Variants in RBM20 observed in about 807,000 individuals in gnomAD.
The protein encoded by RBM20 is RNA-binding protein 20.
RBM20 carries 51 observed loss-of-function variants against 110.1 expected under a neutral mutation model. The ratio of observed to expected loss-of-function variants is 0.46; its 90% CI spans 0.37 to 0.59. RBM20 has a LOEUF of 0.59. RBM20 is among the 20% of genes least tolerant of loss of function. RBM20 has a pLI of 0.00. For synonymous variants in RBM20, 589 were observed against 618.2 expected (o/e 0.95, Z 0.70); for missense variants, 1,512 against 1,574.9 (o/e 0.96, Z 0.68).
At chr10:110,826,859 C>G (rs545311482) in intron 12 of RBM20, among the ~76,000 whole-genome samples, 1 of 152,112 alleles carries the variant, frequency 6.6e-6, no homozygotes, top group African/African-American at 2.4e-5. Context: ...TCCCAAAGTG[C>G]TAGGATTACA....
intron 2 of RBM20, among the ~76,000 whole-genome samples, chr10:110,782,142 G>T (rs184389002): frequency 8.7e-4 from 133 of 152,312 alleles, no homozygotes; most frequent in Middle Eastern, 3.4e-3. Context: ...GGCTGAGTAG[G>T]GGAGCAAAGG....
chr10:110,760,046 T>C (rs1026972958), intron 1 of RBM20, among the ~76,000 whole-genome samples: 4 of 152,210 alleles, frequency 2.6e-5, no homozygotes, highest in African/African-American at 9.7e-5. Flanking sequence ...CCGTGGCATG[T>C]ACCAAGAAGC....
chr10:110,766,447 G>A (rs1454963209), intron 1 of RBM20, among the ~76,000 whole-genome samples: 1 of 151,960 alleles, frequency 6.6e-6, no homozygotes, highest in Non-Finnish European at 1.5e-5. Context: ...AAGGTCTCTG[G>A]TTTTCCTAGG....
chr10:110,813,570 C>T (rs1228006403), intron 9 of RBM20, among the ~76,000 whole-genome samples: 1 of 152,202 alleles, frequency 6.6e-6, no homozygotes, highest in Non-Finnish European at 1.5e-5. Flanking sequence ...CACAGTGGCT[C>T]ATGCCTGTAA....
At chr10:110,687,292 TAAC>T (rs138836457) in intron 1 of RBM20, among the ~76,000 whole-genome samples, 10,880 of 152,264 alleles carry the variant, frequency 0.071, 581 homozygotes, top group Non-Finnish European at 0.1. Context: ...ACTAGAGGGT[TAAC>T]ATTTTTTAAG....
chr10:110,728,730 GT>G (rs1458281636), intron 1 of RBM20, among the ~76,000 whole-genome samples: 1 of 152,182 alleles, frequency 6.6e-6, no homozygotes, highest in East Asian at 1.9e-4. Flanking sequence ...ACCCAAGGAG[GT>G]GGGTGGGCAG....
chr10:110,711,068 T>C (rs147415939), intron 1 of RBM20, among the ~76,000 whole-genome samples: 215 of 152,022 alleles, frequency 1.4e-3, no homozygotes, highest in African/African-American at 5.0e-3. Flanking sequence ...GCGTGTGTGA[T>C]TAGACTCCAG....
intron 1 of RBM20, among the ~76,000 whole-genome samples, chr10:110,716,017 CACTT>C (rs1272582181): frequency 6.6e-6 from 1 of 152,204 alleles, no homozygotes; most frequent in African/African-American, 2.4e-5. Context: ...TTCCCTCACT[CACTT>C]GCAGCAAAGT....
intron 1 of RBM20, among the ~76,000 whole-genome samples, chr10:110,737,188 A>AAAAAAAAAAAAAAACAAAAAC (rs1843680766): frequency 1.4e-5 from 2 of 141,074 alleles, no homozygotes; most frequent in African/African-American, 5.3e-5. Flanking sequence ...AAAAAAAAAA[A>AAAAAAAAAAAAAAACAAAAAC]AAAAAAAAAC....
At chr10:110,721,546 C>T (rs1161963992) in intron 1 of RBM20, among the ~76,000 whole-genome samples, 1 of 152,128 alleles carries the variant, frequency 6.6e-6, no homozygotes, top group Non-Finnish European at 1.5e-5. Context: ...CATCGTCCTC[C>T]CAGCAGTAAA....
intron 1 of RBM20, among the ~76,000 whole-genome samples, chr10:110,775,919 C>T (rs1346203507): frequency 6.6e-6 from 1 of 152,220 alleles, no homozygotes; most frequent in East Asian, 1.9e-4. Context: ...GCTGCCTGTA[C>T]CTCTGTCTTC....
At chr10:110,733,479 G>A (rs1186938755) in intron 1 of RBM20, among the ~76,000 whole-genome samples, 1 of 152,214 alleles carries the variant, frequency 6.6e-6, no homozygotes, top group Non-Finnish European at 1.5e-5. Flanking sequence ...CTGGATAAAT[G>A]ATCTCTGGGT....
At chr10:110,754,001 T>C (rs1303768933) in intron 1 of RBM20, among the ~76,000 whole-genome samples, 1 of 152,216 alleles carries the variant, frequency 6.6e-6, no homozygotes, top group Admixed American at 6.5e-5. Context: ...TTATGAGATC[T>C]AAATTCTGAG....
intron 6 of RBM20, 118 bp downstream of exon 6, chr10:110,797,766 C>A: frequency 9.1e-7 from 1 of 1,093,206 alleles, no homozygotes; most frequent in Non-Finnish European, 1.3e-6. Context: ...CCGTAGCTGG[C>A]CTTCTGTTGG....
At chr10:110,817,411 C>G (rs966910482) in intron 9 of RBM20, among the ~76,000 whole-genome samples, 5 of 152,232 alleles carry the variant, frequency 3.3e-5, no homozygotes, top group Non-Finnish European at 5.9e-5. Context: ...TTTTTAAAAC[C>G]CTTATGCTTC....
intron 11 of RBM20, among the ~76,000 whole-genome samples, chr10:110,822,906 C>G (rs1174321618): frequency 6.6e-6 from 1 of 152,142 alleles, no homozygotes; most frequent in Non-Finnish European, 1.5e-5. Flanking sequence ...GGCCCAGGCT[C>G]TGTCTAGAGA....
chr10:110,738,567 C>T lies in RBM20; in HGVS notation c.192-42234C>T, dbSNP rs140906250. On this transcript the variant is annotated intron_variant, in intron 1 of 13. Transcript: ENST00000369519. ...GGTCTGTGAAATGACAGGGAGCTTA[C>T]GAAACGGTGCAACTTGGACTAACAC... 2.6e-3 allele frequency among the ~76,000 whole-genome samples: 391 copies of T among 152,056 alleles called. 5 individuals carry two copies. Among genetic ancestry groups the T allele is most frequent in the African/African-American group, 8.8e-3 (366 of 41,456 alleles).
intron 1 of RBM20, among the ~76,000 whole-genome samples, chr10:110,729,842 C>T (rs1022071188): frequency 3.3e-5 from 5 of 152,166 alleles, no homozygotes; most frequent in African/African-American, 4.8e-5. Flanking sequence ...TTTTTTGAGA[C>T]GGAGTCTCAC....
At chr10:110,684,394 A>AAAAAC (rs369390447) in intron 1 of RBM20, among the ~76,000 whole-genome samples, 3,783 of 150,842 alleles carry the variant, frequency 0.025, 102 homozygotes, top group Admixed American at 0.085. Flanking sequence ...ACTCCATCTT[A>AAAAAC]AAAACAAAAC....
Sources: allele counts gnomAD v4.1 joint callset (sites outside exome capture counted in the v4.1 genomes callset), GRCh38; gene constraint gnomAD v4.1.1; transcripts MANE v1.5; gene names NCBI Gene and HGNC (gene_info 2026-07-23, HGNC 2026-07-21).